DOK6: variants seen among roughly 807,000 people sequenced by gnomAD.
DOK6 encodes the protein docking protein 6.
Under a neutral mutation model 44.0 loss-of-function variants are expected in DOK6, and 22 were observed. The ratio of observed to expected loss-of-function variants is 0.50; its 90% CI spans 0.36 to 0.71. The LOEUF is 0.71. Among genes scored for constraint, DOK6 ranks in the 30% least tolerant of loss-of-function variants. The pLI is 0.00. For missense variants in DOK6, 340 were observed against 416.4 expected (o/e 0.82, Z 1.60); for synonymous variants, 166 against 145.5 (o/e 1.14, Z -1.01).
At chr18:69,701,896 G>A (rs543294206) in intron 5 of DOK6, among the ~76,000 whole-genome samples, 22 of 152,094 alleles carry the variant, frequency 1.4e-4, no homozygotes, top group Non-Finnish European at 2.2e-4. Flanking sequence ...CTAAACCTTC[G>A]TTGGTCAGGG....
At chr18:69,516,291 C>A (rs1331824595) in intron 1 of DOK6, among the ~76,000 whole-genome samples, 3 of 151,358 alleles carry the variant, frequency 2.0e-5, no homozygotes, top group Non-Finnish European at 4.4e-5. Flanking sequence ...ATAGCAGAAA[C>A]ACAAACACAT....
chr18:69,827,835 A>G (rs1981785247), intron 7 of DOK6, among the ~76,000 whole-genome samples: 1 of 151,956 alleles, frequency 6.6e-6, no homozygotes, highest in South Asian at 2.1e-4. Flanking sequence ...TTGCGCAGAG[A>G]AGTCTCATTC....
intron 3 of DOK6, among the ~76,000 whole-genome samples, chr18:69,603,752 C>T (rs1170736039): frequency 3.5e-5 from 4 of 112,704 alleles, no homozygotes; most frequent in Non-Finnish European, 4.9e-5. Context: ...GCCTGGGCGA[C>T]AGAGCGAGAC....
chr18:69,733,316 A>G (rs991432183), intron 5 of DOK6, among the ~76,000 whole-genome samples: 2 of 152,242 alleles, frequency 1.3e-5, no homozygotes, highest in African/African-American at 4.8e-5. Flanking sequence ...CTTCACGCCC[A>G]ATAAATAACA....
In DOK6 at chr18:69,814,605, G is replaced by A. The variant is rs548520806; in HGVS notation, c.857-26639G>A. Among the ~76,000 whole-genome samples the A allele has an allele frequency of 9.2e-5, 14 of 152,258 alleles. No individual in the cohort carries two copies. The East Asian group carries it at 2.5e-3, about 27-fold the overall frequency. The stretch of plus-strand genomic sequence containing the variant: ...GTTTAGTTGACTCACAGTTCCACAG[G>A]ATTAACAGGAAGCATGACTGGGAGG... On this transcript the variant is annotated intron_variant, in intron 7 of 7. Transcript: ENST00000382713.
At chr18:69,810,486 A>G (rs573877126) in intron 7 of DOK6, among the ~76,000 whole-genome samples, 1 of 152,084 alleles carries the variant, frequency 6.6e-6, no homozygotes, top group Non-Finnish European at 1.5e-5. Flanking sequence ...TCAAACTAAT[A>G]AGCTTCTGTA....
In DOK6 at chr18:69,550,847, G is replaced by A. The variant is rs1043185813; in HGVS notation, c.67-13640G>A. Among the ~76,000 whole-genome samples the A allele has an allele frequency of 4.2e-5, 6 of 141,622 alleles. No homozygotes were observed. The South Asian group carries it at 9.1e-4, about 22-fold the overall frequency. 92.9% of individuals were successfully genotyped at this position (141,622 alleles called of 152,430 possible). ...CACCCAGTCTGGAGTGCAGAGGCAC[G>A]ATCTTGGCTCACTGAAACCGCTGCC... is the stretch of plus-strand genomic sequence containing the variant. On this transcript the variant is annotated intron_variant, in intron 1 of 7. Coordinates refer to ENST00000382713, the MANE Select transcript of DOK6 (RefSeq NM_152721.6).
chr18:69,563,809 AAAAG>A (rs1382031103), intron 1 of DOK6, among the ~76,000 whole-genome samples: 1 of 152,164 alleles, frequency 6.6e-6, no homozygotes, highest in Non-Finnish European at 1.5e-5. Flanking sequence ...AATAAAAAAA[AAAAG>A]ATTCAGGTGT....
chr18:69,459,126 G>T (rs1979715273), intron 1 of DOK6, among the ~76,000 whole-genome samples: 1 of 118,190 alleles, frequency 8.5e-6, no homozygotes, highest in Admixed American at 1.1e-4. Flanking sequence ...AAGGAAGGAA[G>T]GAAGCAGAAA....
intron 3 of DOK6, among the ~76,000 whole-genome samples, chr18:69,606,187 G>A (rs1983991065): frequency 6.6e-6 from 1 of 152,052 alleles, no homozygotes; most frequent in Admixed American, 6.6e-5. Context: ...CAGGATAATT[G>A]CTTGAACCCG....
At chr18:69,698,655 A>G (rs1302449242) in intron 5 of DOK6, 62 bp downstream of exon 5, 21 of 1,501,654 alleles carry the variant, frequency 1.4e-5, no homozygotes, top group Non-Finnish European at 1.9e-5. Flanking sequence ...TGTATAACAG[A>G]GTCCTGAAAG....
intron 7 of DOK6, among the ~76,000 whole-genome samples, chr18:69,771,305 C>G (rs1023776130): frequency 1.3e-5 from 2 of 151,890 alleles, no homozygotes; most frequent in Admixed American, 1.3e-4. Flanking sequence ...TACATATGCA[C>G]TTACTTGCTA....
At chr18:69,428,634 C>G (rs1182210916) in intron 1 of DOK6, among the ~76,000 whole-genome samples, 1 of 151,950 alleles carries the variant, frequency 6.6e-6, no homozygotes, top group East Asian at 1.9e-4. Context: ...GAATATAAAC[C>G]TCTGATAGCT....
rs558219418 is a variant in DOK6, at chr18:69,499,943, C to T, written c.67-64544C>T. 1.5e-3 allele frequency among the ~76,000 whole-genome samples: 235 copies of T among 152,162 alleles called. 1 individual carries two copies. The highest frequency in any genetic ancestry group is 2.3e-3 in the Non-Finnish European group (157 of 68,012). On this transcript the variant is annotated intron_variant, in intron 1 of 7. Coordinates refer to ENST00000382713, the MANE Select transcript of DOK6 (RefSeq NM_152721.6). ...TCCTGAATGCTAACATTTTTCATGA[C>T]AACCATTTGCCCAAGCCACTATTGG...
At chr18:69,581,435 A>G (rs28737190) in intron 2 of DOK6, among the ~76,000 whole-genome samples, 18,428 of 152,238 alleles carry the variant, frequency 0.12, 1,262 homozygotes, top group East Asian at 0.31. Flanking sequence ...AAAGGAGTAA[A>G]CCTTTAAAGT....
At chr18:69,639,464 C>T (rs940321838) in intron 3 of DOK6, among the ~76,000 whole-genome samples, 2 of 152,200 alleles carry the variant, frequency 1.3e-5, no homozygotes, top group Non-Finnish European at 2.9e-5. Flanking sequence ...GGGTCCTCAC[C>T]TGCCTTCTCT....
rs1471426581 is a variant in DOK6, at chr18:69,706,665, T to C, written c.599+8072T>C. On this transcript the variant is annotated intron_variant, in intron 5 of 7. Coordinates refer to ENST00000382713, the MANE Select transcript of DOK6 (RefSeq NM_152721.6). ...GCATTAGGTATATCTCCTAATGCTA[T>C]CCCTCCCCCCCTCCCCCCTCCCCCC... 3.1e-4 allele frequency among the ~76,000 whole-genome samples: 25 copies of C among 80,278 alleles called. No homozygotes were observed. In the South Asian group the frequency reaches 0.011, roughly 37 times the overall value. The allele number at this position is 80,278 out of a possible 152,430, so 52.7% of individuals were successfully genotyped here. A position where few individuals can be genotyped will look rare whatever the true frequency, so the allele number is the denominator to read the frequency against.
chr18:69,493,710 A>T (rs1243463111), intron 1 of DOK6, among the ~76,000 whole-genome samples: 1 of 152,218 alleles, frequency 6.6e-6, no homozygotes, highest in East Asian at 1.9e-4. Context: ...TATCTCCTAA[A>T]TTGGTGAATA....
intron 2 of DOK6, among the ~76,000 whole-genome samples, chr18:69,573,150 G>T (rs535022578): frequency 2.4e-4 from 36 of 151,792 alleles, no homozygotes; most frequent in African/African-American, 8.7e-4. Flanking sequence ...AGCTGGAAGA[G>T]AATATGAGTA....
Sources: gnomAD v4.1 joint callset for allele counts (sites outside exome capture counted in the v4.1 genomes callset) on GRCh38, gnomAD v4.1.1 for gene constraint, MANE v1.5 for transcripts, NCBI Gene and HGNC (gene_info 2026-07-23, HGNC 2026-07-21) for gene names.